The following ZNG1F variants were observed in gnomAD, a reference collection of about 807,000 sequenced individuals.
The protein encoded by ZNG1F is Zn regulated GTPase metalloprotein activator 1F.
At chr9:41,193,777 G>A in the ZNG1F span, among the ~76,000 whole-genome samples, 1 of 148,962 alleles carries the variant, frequency 6.7e-6, no homozygotes, top group African/African-American at 2.6e-5. Flanking sequence ...GCACACGCCT[G>A]TAGTCCCAGC....
At chr9:41,134,158 G>A in the ZNG1F span, 3 of 162,912 alleles carry the variant, frequency 1.8e-5, no homozygotes, top group Admixed American at 6.3e-5. Flanking sequence ...ACAATCCTGG[G>A]GAGTGAAGAT....
chr9:41,166,473 T>TAC, the ZNG1F span, among the ~76,000 whole-genome samples: 1 of 97,072 alleles, frequency 1.0e-5, no homozygotes, highest in Admixed American at 1.2e-4. Context: ...TATATATATA[T>TAC]AAAATCTTCA....
chr9:41,183,177 A>T, the ZNG1F span, among the ~76,000 whole-genome samples: 1 of 138,144 alleles, frequency 7.2e-6, no homozygotes. Flanking sequence ...TGGAAACTTA[A>T]CTACTAGAAC....
the ZNG1F span, among the ~76,000 whole-genome samples, chr9:41,149,204 C>T: frequency 5.1e-4 from 1 of 1,966 alleles, no homozygotes; most frequent in Admixed American, 5.7e-3. Context: ...GACAGAGAAC[C>T]CCATCTCAAA....
chr9:41,185,012 G>GA, the ZNG1F span, among the ~76,000 whole-genome samples: 28 of 118,840 alleles, frequency 2.4e-4, no homozygotes, highest in African/African-American at 7.2e-4. Flanking sequence ...TTTTACAACT[G>GA]AAAAAAATAG....
At chr9:41,166,445 CATATAT>C in the ZNG1F span, among the ~76,000 whole-genome samples, 3,630 of 117,222 alleles carry the variant, frequency 0.031, 104 homozygotes, top group African/African-American at 0.076. Flanking sequence ...TATTATTATA[CATATAT>C]ATATATATAT....
chr9:41,187,394 T>C, the ZNG1F span, among the ~76,000 whole-genome samples: 1 of 132,378 alleles, frequency 7.6e-6, no homozygotes, highest in Non-Finnish European at 1.6e-5. Flanking sequence ...AGTAAAAAAG[T>C]ACCTATTCCA....
the ZNG1F span, chr9:41,165,080 C>T: frequency 6.3e-7 from 1 of 1,578,710 alleles, no homozygotes; most frequent in Non-Finnish European, 8.6e-7. Context: ...TCTGCCAAAG[C>T]AACTTGCCTA....
At chr9:41,139,880 A>T in the ZNG1F span, among the ~76,000 whole-genome samples, 1,839 of 114,772 alleles carry the variant, frequency 0.016, 1 homozygote, top group South Asian at 0.027. Context: ...CAAATATTGC[A>T]TGAATCCACT....
At chr9:41,201,245 CAT>C in the ZNG1F span, among the ~76,000 whole-genome samples, 46 of 141,800 alleles carry the variant, frequency 3.2e-4, no homozygotes, top group African/African-American at 1.0e-3. Flanking sequence ...AATATGTGCT[CAT>C]ATATATATAT....
At chr9:41,155,703 AATC>A in the ZNG1F span, among the ~76,000 whole-genome samples, 1 of 82,790 alleles carries the variant, frequency 1.2e-5, no homozygotes, top group Non-Finnish European at 2.5e-5. Flanking sequence ...TGAAATTGGA[AATC>A]ATCATTCTCA....
chr9:41,178,804 G>GATCT, the ZNG1F span, among the ~76,000 whole-genome samples: 21 of 83,214 alleles, frequency 2.5e-4, 1 homozygote, highest in Admixed American at 2.2e-3. Context: ...CTGAACTCGT[G>GATCT]ATCTGCCCAT....
At chr9:41,154,662 G>T in the ZNG1F span, among the ~76,000 whole-genome samples, 3 of 147,840 alleles carry the variant, frequency 2.0e-5, no homozygotes, top group African/African-American at 7.5e-5. Flanking sequence ...CAGAGATATA[G>T]ATCAATGGAA....
chr9:41,133,852 C>G, the ZNG1F span: 1 of 1,409,596 alleles, frequency 7.1e-7, no homozygotes, highest in Non-Finnish European at 9.5e-7. Flanking sequence ...ATTGCTTAAA[C>G]CATATATATT....
chr9:41,201,430 A>G, the ZNG1F span, among the ~76,000 whole-genome samples: 87 of 147,922 alleles, frequency 5.9e-4, no homozygotes, highest in Non-Finnish European at 1.1e-3. Flanking sequence ...GCATCCTATT[A>G]CTGGTTACAA....
chr9:41,135,024 T>C, the ZNG1F span, among the ~76,000 whole-genome samples: 2 of 112,844 alleles, frequency 1.8e-5, no homozygotes, highest in East Asian at 2.6e-4. Flanking sequence ...CCCCAAAGTT[T>C]ATTGTGTCAT....
At chr9:41,145,516 A>T in the ZNG1F span, 31 of 694,688 alleles carry the variant, frequency 4.5e-5, no homozygotes, top group African/African-American at 1.3e-4. Context: ...AAGTTTTTTT[A>T]AAATTTCTTA....
chr9:41,193,052 A>G, the ZNG1F span, among the ~76,000 whole-genome samples: 34 of 146,848 alleles, frequency 2.3e-4, no homozygotes, highest in African/African-American at 8.1e-4. Flanking sequence ...TAACTCTCCA[A>G]GGTAAATACT....
chr9:41,200,714 C>T, the ZNG1F span, among the ~76,000 whole-genome samples: 13 of 152,318 alleles, frequency 8.5e-5, no homozygotes, highest in South Asian at 2.1e-4. Context: ...ATTGGACTTA[C>T]GGTTCCACAT....
Sources: gnomAD v4.1 joint callset for allele counts (sites outside exome capture counted in the v4.1 genomes callset) on GRCh38, gnomAD v4.1.1 for gene constraint, MANE v1.5 for transcripts, NCBI Gene and HGNC (gene_info 2026-07-23, HGNC 2026-07-21) for gene names.